Variants in MEI4 observed in about 807,000 individuals in gnomAD.
MEI4 encodes the protein meiosis-specific protein MEI4.
Under a neutral mutation model 31.4 loss-of-function variants are expected in MEI4, and 27 were observed. That is an observed-to-expected ratio of 0.86 (90% CI 0.63 to 1.19). The LOEUF (loss-of-function observed/expected upper bound fraction) is 1.19, where lower values mean the gene tolerates loss of function less well. Ranked by LOEUF, MEI4 falls within the 50% of genes most tolerant of loss-of-function variation. MEI4 has a pLI of 0.00. For synonymous variants in MEI4, 122 were observed against 145.4 expected (o/e 0.84, Z 1.16); for missense variants, 329 against 398.9 (o/e 0.82, Z 1.49).
intron 3 of MEI4, among the ~76,000 whole-genome samples, chr6:77,804,636 G>A (rs1335859854): frequency 6.6e-6 from 1 of 152,020 alleles, no homozygotes; most frequent in African/African-American, 2.4e-5. Flanking sequence ...TGCTTTATTA[G>A]TAGTTCACAT....
intron 1 of MEI4, among the ~76,000 whole-genome samples, chr6:77,663,655 T>C (rs562842714): frequency 1.9e-3 from 294 of 152,256 alleles, no homozygotes; most frequent in African/African-American, 6.9e-3. Context: ...ACAACAGTTA[T>C]GGAGGCAAGG....
Position 77,755,164 on chromosome 6 carries a change from A to C in MEI4, c.233-5966A>C, listed in dbSNP as rs557612156. Among the ~76,000 whole-genome samples, 47 of 151,976 alleles carry C rather than the reference A, an allele frequency of 3.1e-4. No individual in the cohort carries two copies. In the South Asian group the frequency reaches 9.7e-3, roughly 31 times the overall value. ...CCAACCTGGGCAACAAGTGGTACACAGTGTCCTGAAAAAAAAGAAAAAGAG... is the reference window on the plus strand; with the variant it reads ...CCAACCTGGGCAACAAGTGGTACACCGTGTCCTGAAAAAAAAGAAAAAGAG... On this transcript the variant is annotated intron_variant, in intron 2 of 4. Coordinates refer to ENST00000684080, the MANE Select transcript of MEI4 (RefSeq NM_001322247.2).
At chr6:77,656,879 A>G (rs906005553) in intron 1 of MEI4, among the ~76,000 whole-genome samples, 17 of 152,226 alleles carry the variant, frequency 1.1e-4, no homozygotes, top group African/African-American at 4.1e-4. Flanking sequence ...TGTAACAAAT[A>G]GATTTTAAAA....
intron 4 of MEI4, among the ~76,000 whole-genome samples, chr6:77,891,772 A>G (rs547218385): frequency 4.6e-5 from 7 of 152,138 alleles, no homozygotes; most frequent in Admixed American, 2.0e-4. Flanking sequence ...ATTGATTTTC[A>G]TAGGGAAAGA....
In MEI4 at chr6:77,734,286, G is replaced by A. The variant is rs868530139; in HGVS notation, c.233-26844G>A. Among the ~76,000 whole-genome samples, 232 of 151,448 alleles carry A rather than the reference G, an allele frequency of 1.5e-3. 3 individuals are homozygous for A. The highest frequency in any genetic ancestry group is 4.6e-3 in the African/African-American group (188 of 40,816). ...TAAGTCTCTTTGTAGGTCACTCAGG[G>A]CTTGCTTTATGAATCTGGGTGCTCC... On this transcript the variant is annotated intron_variant, in intron 2 of 4. Coordinates refer to ENST00000684080, the MANE Select transcript of MEI4 (RefSeq NM_001322247.2).
intron 4 of MEI4, among the ~76,000 whole-genome samples, chr6:77,917,013 A>C (rs1428951221): frequency 6.7e-6 from 1 of 149,968 alleles, no homozygotes. Flanking sequence ...GAGTGAGAAT[A>C]TGCGGTGTTT....
chr6:77,777,905 A>G (rs1180789352), intron 3 of MEI4, among the ~76,000 whole-genome samples: 1 of 152,280 alleles, frequency 6.6e-6, no homozygotes, highest in Middle Eastern at 3.4e-3. Context: ...TTTAAAAAAT[A>G]TGGTTATGAA....
At chr6:77,919,366 A>C (rs2127741973) in intron 4 of MEI4, among the ~76,000 whole-genome samples, 1 of 152,220 alleles carries the variant, frequency 6.6e-6, no homozygotes, top group South Asian at 2.1e-4. Context: ...GCTCAACTAC[A>C]TGGAAACTGA....
intron 2 of MEI4, among the ~76,000 whole-genome samples, chr6:77,711,094 T>TG (rs1404746340): frequency 7.1e-6 from 1 of 141,670 alleles, no homozygotes; most frequent in Non-Finnish European, 1.6e-5. Flanking sequence ...AGCTGACAGT[T>TG]GGGGGAGAAT....
rs572914587 is a variant in MEI4, at chr6:77,856,593, C to A, written c.900+27531C>A. ...CATGTTGCATGATTTTGGAAACACCCTGTCATCTCCAGCTATAAGGCTAGG... is the reference window on the plus strand; with the variant it reads ...CATGTTGCATGATTTTGGAAACACCATGTCATCTCCAGCTATAAGGCTAGG... On this transcript the variant is annotated intron_variant, in intron 4 of 4. Transcript: ENST00000684080. 5.9e-5 allele frequency among the ~76,000 whole-genome samples: 9 copies of A among 152,290 alleles called. No homozygotes were observed. In the East Asian group the frequency reaches 1.2e-3, roughly 20 times the overall value.
At chr6:77,719,177 G>A (rs1181405026) in intron 2 of MEI4, among the ~76,000 whole-genome samples, 1 of 142,556 alleles carries the variant, frequency 7.0e-6, no homozygotes, top group Non-Finnish European at 1.5e-5. Flanking sequence ...ATCTATAATA[G>A]TTCCAAATTC....
At chr6:77,799,712 G>T (rs1305721492) in intron 3 of MEI4, among the ~76,000 whole-genome samples, 2 of 152,194 alleles carry the variant, frequency 1.3e-5, no homozygotes, top group East Asian at 3.9e-4. Flanking sequence ...ATCTACATAT[G>T]GCTAGCCAGT....
intron 4 of MEI4, among the ~76,000 whole-genome samples, chr6:77,906,059 A>G (rs1766289771): frequency 6.6e-6 from 1 of 151,866 alleles, no homozygotes. Context: ...TCTCTGTAAA[A>G]TTTATCATTT....
intron 4 of MEI4, among the ~76,000 whole-genome samples, chr6:77,864,823 A>G (rs1180566522): frequency 3.9e-5 from 6 of 152,206 alleles, no homozygotes; most frequent in African/African-American, 1.2e-4. Flanking sequence ...TTGACCACAT[A>G]GGTGGAAGTA....
intron 4 of MEI4, among the ~76,000 whole-genome samples, chr6:77,837,545 A>ATAT (rs1238489869): frequency 6.6e-6 from 1 of 152,210 alleles, no homozygotes; most frequent in East Asian, 1.9e-4. Context: ...GAGTGGATTA[A>ATAT]CTGTGGTCTA....
intron 4 of MEI4, among the ~76,000 whole-genome samples, chr6:77,849,842 T>C (rs1026380400): frequency 1.3e-5 from 2 of 152,210 alleles, no homozygotes; most frequent in African/African-American, 2.4e-5. Flanking sequence ...ATTGCTACTT[T>C]ATACAATATT....
intron 4 of MEI4, among the ~76,000 whole-genome samples, chr6:77,915,238 A>T (rs1318941628): frequency 6.6e-6 from 1 of 152,004 alleles, no homozygotes; most frequent in Non-Finnish European, 1.5e-5. Context: ...GTTCATAATA[A>T]ACCTTTGTGT....
At chr6:77,753,004 G>C (rs185859911) in intron 2 of MEI4, among the ~76,000 whole-genome samples, 39 of 152,250 alleles carry the variant, frequency 2.6e-4, no homozygotes, top group African/African-American at 9.1e-4. Context: ...AATGGGGAAA[G>C]GATTCCCTAT....
intron 2 of MEI4, among the ~76,000 whole-genome samples, chr6:77,696,874 G>A (rs532251418): frequency 7.1e-4 from 108 of 152,268 alleles, no homozygotes; most frequent in Non-Finnish European, 1.2e-3. Context: ...GGTAGAATTC[G>A]GCTGTGAATC....
Sources: allele counts gnomAD v4.1 joint callset (sites outside exome capture counted in the v4.1 genomes callset), GRCh38; gene constraint gnomAD v4.1.1; transcripts MANE v1.5; gene names NCBI Gene and HGNC (gene_info 2026-07-23, HGNC 2026-07-21).